TRIM9: variants seen among roughly 807,000 people sequenced by gnomAD.
The protein encoded by TRIM9 is E3 ubiquitin-protein ligase TRIM9.
In TRIM9, 26 loss-of-function variants were observed where a neutral mutation model predicts 78.3. The ratio of observed to expected loss-of-function variants is 0.33; its 90% CI spans 0.24 to 0.46. The LOEUF is 0.46. Ranked by LOEUF, TRIM9 falls within the 20% of genes least tolerant of loss-of-function variation. The pLI is 1.00. For synonymous variants in TRIM9, 398 were observed against 416.5 expected, an observed-to-expected ratio of 0.96 and a Z score of 0.54; for missense variants, 787 against 1,036.4, an observed-to-expected ratio of 0.76 and a Z score of 3.30.
chr14:51,057,698 T>G (rs141176004), intron 1 of TRIM9, among the ~76,000 whole-genome samples: 63 of 152,356 alleles, frequency 4.1e-4, no homozygotes, highest in African/African-American at 1.4e-3. Context: ...TTCTCTATTT[T>G]TGTGGTAAAA....
At chr14:51,037,376 AT>A (rs2059242097) in intron 1 of TRIM9, among the ~76,000 whole-genome samples, 1 of 152,262 alleles carries the variant, frequency 6.6e-6, no homozygotes, top group East Asian at 1.9e-4. Flanking sequence ...AACAGGAAAA[AT>A]TATTTCCCTT....
At chr14:50,986,278 T>A in intron 7 of TRIM9, 134 bp from the exon 8 acceptor site, 1 of 767,056 alleles carries the variant, frequency 1.3e-6, no homozygotes, top group Non-Finnish European at 1.8e-6. Context: ...CACTCAGGCA[T>A]TTACAAAACC....
intron 1 of TRIM9, among the ~76,000 whole-genome samples, chr14:51,059,127 T>C (rs1036880635): frequency 3.9e-5 from 6 of 152,182 alleles, no homozygotes; most frequent in African/African-American, 9.6e-5. Flanking sequence ...ACCTCCACAA[T>C]GGTCCTGGGA....
At position 50,982,075 on chromosome 14, in the gene TRIM9, C is replaced by T. The variant is rs533978459; in HGVS notation, c.1887G>A (p.Ser629=). 17 of 1,613,994 alleles carry T rather than the reference C, an allele frequency of 1.1e-5. No individual in the cohort carries two copies. Among genetic ancestry groups the T allele is most frequent in the African/African-American group, 5.3e-5 (4 of 74,998 alleles). ...TGGAGAGGATGATGTCCGAGTGCGC[C>T]GAGCCAGGGTCGAAAGCAAACCAGG... ...AVAWFAFDPG[S]AHSDIILSND... Residue 629 remains serine, a synonymous_variant, in exon 11 of 13, where the codon TCG becomes TCA. Coordinates refer to ENST00000684578, the MANE Select transcript of TRIM9 (RefSeq NM_001387360.1).
chr14:51,038,821 G>C (rs1187421677), intron 1 of TRIM9, among the ~76,000 whole-genome samples: 1 of 152,172 alleles, frequency 6.6e-6, no homozygotes, highest in Non-Finnish European at 1.5e-5. Context: ...TAAAAGTTGG[G>C]ACAGGGAGGA....
chr14:51,077,432 G>A, intron 1 of TRIM9, among the ~76,000 whole-genome samples: 1 of 114,704 alleles, frequency 8.7e-6, no homozygotes, highest in South Asian at 3.1e-4. Context: ...TTGCTCTGTT[G>A]TCCAGGCTGG....
chr14:51,068,750 G>C (rs1375908048), intron 1 of TRIM9, among the ~76,000 whole-genome samples: 1 of 152,158 alleles, frequency 6.6e-6, no homozygotes, highest in Non-Finnish European at 1.5e-5. Context: ...GTGTGATGAG[G>C]CCAGCCCATG....
intron 1 of TRIM9, among the ~76,000 whole-genome samples, chr14:51,070,249 G>C (rs1198694323): frequency 6.6e-6 from 1 of 152,182 alleles, no homozygotes; most frequent in African/African-American, 2.4e-5. Flanking sequence ...GAGTTATAGT[G>C]CGATGGCTGT....
At chr14:51,004,319 C>T (rs548751395) in intron 5 of TRIM9, among the ~76,000 whole-genome samples, 7 of 152,282 alleles carry the variant, frequency 4.6e-5, no homozygotes, top group Non-Finnish European at 8.8e-5. Context: ...AGAGGTCTGG[C>T]GGAGCTGTGG....
chr14:51,053,379 T>C (rs1200934241), intron 1 of TRIM9, among the ~76,000 whole-genome samples: 1 of 151,726 alleles, frequency 6.6e-6, no homozygotes, highest in Non-Finnish European at 1.5e-5. Flanking sequence ...TGCACACTCA[T>C]GATAGGAGAT....
intron 1 of TRIM9, among the ~76,000 whole-genome samples, chr14:51,068,372 AT>A (rs2061932590): frequency 1.3e-5 from 2 of 152,204 alleles, no homozygotes; most frequent in African/African-American, 4.8e-5. Context: ...ACCCAAATCA[AT>A]ATATGTGAAG....
intron 7 of TRIM9, chr14:50,997,610 G>T: frequency 7.9e-6 from 8 of 1,011,884 alleles, no homozygotes; most frequent in Non-Finnish European, 9.5e-6. Context: ...TCCACGACTG[G>T]AAAGAACCTA....
chr14:51,015,239 G>A (rs111536929), intron 3 of TRIM9, among the ~76,000 whole-genome samples: 306 of 152,260 alleles, frequency 2.0e-3, no homozygotes, highest in African/African-American at 6.7e-3. Context: ...CAACTCAGGA[G>A]AGAGTACACA....
intron 4 of TRIM9, among the ~76,000 whole-genome samples, chr14:51,009,903 C>G (rs924380123): frequency 1.8e-4 from 27 of 152,096 alleles, no homozygotes; most frequent in African/African-American, 5.8e-4. Flanking sequence ...ACAATTAACA[C>G]TGAAGAATGA....
chr14:51,010,050 T>C (rs1303080072), intron 4 of TRIM9, among the ~76,000 whole-genome samples: 1 of 151,524 alleles, frequency 6.6e-6, no homozygotes, highest in Non-Finnish European at 1.5e-5. Context: ...ACCGAATTCT[T>C]GGGCAAGGCA....
chr14:51,025,416 G>A, intron 1 of TRIM9, 56 bp from the exon 2 acceptor site: 1 of 431,130 alleles, frequency 2.3e-6, no homozygotes, highest in South Asian at 2.6e-5. Flanking sequence ...CACCAACAAG[G>A]CCAGCGAGAC....
At chr14:51,009,277 C>T (rs2056254603) in intron 4 of TRIM9, 44 bp from the exon 5 acceptor site, 1 of 1,608,564 alleles carries the variant, frequency 6.2e-7, no homozygotes, top group Admixed American at 1.7e-5. Context: ...TACACCACCA[C>T]ACTTGAAACA....
chr14:51,071,719 T>G (rs1219154956), intron 1 of TRIM9, among the ~76,000 whole-genome samples: 3 of 152,166 alleles, frequency 2.0e-5, no homozygotes, highest in African/African-American at 7.2e-5. Context: ...GGTGGGAGGA[T>G]TGCTTGAGAG....
At chr14:51,090,955 G>A (rs993890254) in intron 1 of TRIM9, 1 of 152,180 alleles carries the variant, frequency 6.6e-6, no homozygotes, top group Non-Finnish European at 1.5e-5. Flanking sequence ...ATTTAGGAAT[G>A]TGAACTGCTT....
Sources: gnomAD v4.1 joint callset for allele counts (sites outside exome capture counted in the v4.1 genomes callset) on GRCh38, gnomAD v4.1.1 for gene constraint, MANE v1.5 for transcripts, NCBI Gene and HGNC (gene_info 2026-07-23, HGNC 2026-07-21) for gene names.